Variants in SLC12A8 observed in about 807,000 individuals in gnomAD.
SLC12A8 encodes the protein cation-chloride cotransporter 9.
Under a neutral mutation model 75.6 loss-of-function variants are expected in SLC12A8, and 69 were observed. The observed-to-expected ratio is 0.91, with a 90% CI of 0.75 to 1.11. The LOEUF (loss-of-function observed/expected upper bound fraction) is 1.11. Among genes scored for constraint, SLC12A8 ranks in the 50% most tolerant of loss-of-function variants. SLC12A8 has a pLI of 0.00. For missense variants in SLC12A8, 877 were observed against 896.7 expected (o/e 0.98, Z 0.28); for synonymous variants, 365 against 372.8 (o/e 0.98, Z 0.24).
rs200658918 is a variant in SLC12A8, at chr3:125,135,756, C to A, written c.649G>T (p.Glu217Ter). The change falls in exon 6 of 14, where the codon GAA becomes TAA. Residue 217 changes from glutamate to a stop codon, truncating the protein, a stop_gained. Coordinates refer to ENST00000469902, the MANE Select transcript of SLC12A8 (RefSeq NM_024628.6). LOFTEE classifies it high-confidence loss of function. ...GGCAGCGTGTTGTTCTGTAGCAGTTCGGGTGAATATCCAATGAAACCATGT... is the reference window on the plus strand; with the variant it reads ...GGCAGCGTGTTGTTCTGTAGCAGTTAGGGTGAATATCCAATGAAACCATGT... ...PEHGFIGYSPELLQNNTLPDY... is the reference protein window; with the variant it reads ...PEHGFIGYSP 820 of 1,604,402 alleles carry A rather than the reference C, an allele frequency of 5.1e-4. 2 individuals carry two copies. The African/African-American group carries it at 5.3e-3, about 10-fold the overall frequency.
At chr3:125,120,548 G>A (rs1339652424) in intron 7 of SLC12A8, 51 bp downstream of exon 7, 2 of 1,375,382 alleles carry the variant, frequency 1.5e-6, no homozygotes, top group South Asian at 1.2e-5. Context: ...TCTGCCTGGG[G>A]TTTTCTCTCC....
At chr3:125,175,467 C>A (rs1358218783) in intron 5 of SLC12A8, among the ~76,000 whole-genome samples, 4 of 152,036 alleles carry the variant, frequency 2.6e-5, no homozygotes, top group Non-Finnish European at 5.9e-5. Flanking sequence ...AATGTATTGA[C>A]CAGAAGGAAG....
At position 125,135,780 on chromosome 3, in the gene SLC12A8, G is replaced by C; in HGVS notation, c.625C>G (p.His209Asp). The C allele has an allele frequency of 6.3e-7, 1 of 1,594,520 alleles. No individual in the cohort carries two copies. The highest frequency in any genetic ancestry group is 1.1e-5 in the South Asian group (1 of 88,166). ...VGSFTHLDPE[H>D]GFIGYSPELL... ...TCGGGTGAATATCCAATGAAACCAT[G>C]TTCTGAAATAAAGCAATGGAGAGCA... is the stretch of plus-strand genomic sequence containing the variant. The change falls in exon 6 of 14, where the codon CAT becomes GAT. Residue 209 changes from histidine (H) to aspartate (D), a missense_variant and splice_region_variant. Transcript: ENST00000469902.
chr3:125,180,435 G>C (rs574990227), intron 4 of SLC12A8, among the ~76,000 whole-genome samples: 2 of 152,338 alleles, frequency 1.3e-5, no homozygotes, highest in African/African-American at 4.8e-5. Flanking sequence ...GCTACCACCT[G>C]TAATCCCAGC....
chr3:125,193,404 T>C (rs577422573), intron 2 of SLC12A8, among the ~76,000 whole-genome samples: 1 of 152,272 alleles, frequency 6.6e-6, no homozygotes, highest in East Asian at 1.9e-4. Flanking sequence ...GTGTCCCCGC[T>C]CTTCTCACAG....
chr3:125,087,734 G>A (rs901990094), intron 13 of SLC12A8, among the ~76,000 whole-genome samples: 2 of 152,102 alleles, frequency 1.3e-5, no homozygotes, highest in Non-Finnish European at 2.9e-5. Flanking sequence ...GTGAGATTAG[G>A]GCACATGTGA....
At chr3:125,154,862 G>A (rs535719022) in intron 5 of SLC12A8, 24 of 152,298 alleles carry the variant, frequency 1.6e-4, no homozygotes, top group African/African-American at 4.8e-4. Flanking sequence ...AAACGCCTAC[G>A]TGACGAGAAG....
intron 5 of SLC12A8, among the ~76,000 whole-genome samples, chr3:125,169,526 C>T (rs974487981): frequency 6.6e-5 from 10 of 152,028 alleles, no homozygotes; most frequent in South Asian, 2.1e-4. Context: ...CAACTTGAGA[C>T]GGAAGGACAC....
intron 5 of SLC12A8, among the ~76,000 whole-genome samples, chr3:125,142,929 G>GT (rs1933684914): frequency 6.6e-6 from 1 of 152,124 alleles, no homozygotes; most frequent in Non-Finnish European, 1.5e-5. Context: ...CCCTGACTCT[G>GT]TGATTGTTGA....
chr3:125,210,171 A>G (rs1044518724), intron 2 of SLC12A8, among the ~76,000 whole-genome samples: 1 of 152,236 alleles, frequency 6.6e-6, no homozygotes, highest in Non-Finnish European at 1.5e-5. Context: ...TTGTTTGTTC[A>G]TGTGATCAAT....
intron 2 of SLC12A8, among the ~76,000 whole-genome samples, chr3:125,210,270 T>G (rs1935310010): frequency 6.6e-6 from 1 of 152,216 alleles, no homozygotes; most frequent in Non-Finnish European, 1.5e-5. Context: ...GACAAATTGT[T>G]GATAAGAAGC....
At position 125,178,441 on chromosome 3, in the gene SLC12A8, C is replaced by CA. The variant is rs984027019; in HGVS notation, c.391-468dup. On this transcript the variant is annotated intron_variant, in intron 4 of 13. Coordinates refer to ENST00000469902, the MANE Select transcript of SLC12A8 (RefSeq NM_024628.6). ...ATTTTTAAAATTATCTAAAACTTAG[C>CA]AAAAAAAAAAGTGAGTGGCACGTCT... Among the ~76,000 whole-genome samples the CA allele has an allele frequency of 3.1e-4, 46 of 146,886 alleles. No individual in the cohort carries two copies. The East Asian group carries it at 4.9e-3, about 16-fold the overall frequency.
intron 5 of SLC12A8, among the ~76,000 whole-genome samples, chr3:125,171,145 T>C (rs1156525969): frequency 2.6e-5 from 4 of 152,264 alleles, no homozygotes; most frequent in Admixed American, 2.0e-4. Context: ...TGTTTTCTGA[T>C]TTTAAAATTA....
intron 4 of SLC12A8, among the ~76,000 whole-genome samples, chr3:125,179,727 G>GAGAA (rs1934612241): frequency 6.6e-6 from 1 of 150,422 alleles, no homozygotes; most frequent in Middle Eastern, 3.6e-3. Flanking sequence ...GAGAGAGAGA[G>GAGAA]AGAGAAAGAG....
chr3:125,190,941 G>A (rs1204325471), intron 2 of SLC12A8, among the ~76,000 whole-genome samples: 3 of 152,308 alleles, frequency 2.0e-5, no homozygotes, highest in Admixed American at 2.0e-4. Context: ...CTAAGTGAGT[G>A]TGAGATTCTG....
intron 9 of SLC12A8, among the ~76,000 whole-genome samples, chr3:125,108,792 T>C (rs922415687): frequency 1.3e-5 from 2 of 152,240 alleles, no homozygotes; most frequent in African/African-American, 4.8e-5. Flanking sequence ...AAGTTGATTC[T>C]TCCCAGGGAG....
intron 10 of SLC12A8, among the ~76,000 whole-genome samples, chr3:125,102,261 C>T (rs886641909): frequency 2.7e-4 from 41 of 151,956 alleles, no homozygotes; most frequent in African/African-American, 9.7e-4. Context: ...TCGGAGGAGG[C>T]AGAACAGGGT....
chr3:125,084,396 T>G (rs1278757777), intron 13 of SLC12A8, among the ~76,000 whole-genome samples: 1 of 152,052 alleles, frequency 6.6e-6, no homozygotes, highest in Admixed American at 6.5e-5. Flanking sequence ...CCTTTTTTTT[T>G]GTCAAAAATA....
intron 6 of SLC12A8, chr3:125,121,007 GC>G (rs1933045193): frequency 7.8e-6 from 5 of 642,936 alleles, no homozygotes; most frequent in Non-Finnish European, 1.4e-5. Context: ...GTCCTGCGCT[GC>G]CTGCTGAGCT....
Sources: allele counts gnomAD v4.1 joint callset (sites outside exome capture counted in the v4.1 genomes callset), GRCh38; gene constraint gnomAD v4.1.1; transcripts MANE v1.5; gene names NCBI Gene and HGNC (gene_info 2026-07-23, HGNC 2026-07-21).